Variants in CPB2 observed in about 807,000 individuals in gnomAD.
The protein encoded by CPB2 is carboxypeptidase B2, also known as carboxypeptidase B-like protein.
In CPB2, 54 loss-of-function variants were observed where a neutral mutation model predicts 57.0. That is an observed-to-expected ratio of 0.95 (90% CI 0.76 to 1.19). CPB2 has a LOEUF of 1.19. CPB2 is among the 50% of genes most tolerant of loss of function. The pLI, the probability that CPB2 is intolerant of heterozygous loss-of-function variation, is 0.00. For synonymous variants in CPB2, 189 were observed against 178.1 expected (o/e 1.06, Z -0.49); for missense variants, 426 against 512.0 (o/e 0.83, Z 1.62).
Position 46,059,995 on chromosome 13 carries a change from G to A in CPB2, c.797-1614C>T, listed in dbSNP as rs183819635. Among the ~76,000 whole-genome samples, 1,068 of 152,150 alleles carry A rather than the reference G, an allele frequency of 7.0e-3. 12 individuals are homozygous for A. The highest frequency in any genetic ancestry group is 0.024 in the African/African-American group (977 of 41,494). On this transcript the variant is annotated intron_variant, in intron 8 of 10. Transcript: ENST00000181383. ...TTTGAATATTCCTGCCCTTTTATGTGATATATAATTCTTAGAGAATAGAGA... is the reference window on the plus strand; with the variant it reads ...TTTGAATATTCCTGCCCTTTTATGTAATATATAATTCTTAGAGAATAGAGA...
intron 4 of CPB2, 49 bp from the exon 5 acceptor site, chr13:46,078,950 T>A: frequency 8.5e-7 from 1 of 1,181,014 alleles, no homozygotes; most frequent in Non-Finnish European, 1.3e-6. Flanking sequence ...GTTCAAAGCA[T>A]TTCCCTGACC....
chr13:46,091,553 TGAA>T (rs2139412060), intron 1 of CPB2, among the ~76,000 whole-genome samples: 1 of 152,366 alleles, frequency 6.6e-6, no homozygotes, highest in South Asian at 2.1e-4. Context: ...GTTTTTATGA[TGAA>T]TAAGTGTGGA....
At chr13:46,057,816 T>C (rs1251695553) in intron 9 of CPB2, among the ~76,000 whole-genome samples, 1 of 152,196 alleles carries the variant, frequency 6.6e-6, no homozygotes, top group Non-Finnish European at 1.5e-5. Flanking sequence ...GGTGTGCTGT[T>C]GTAGGAAGCT....
chr13:46,093,238 G>C (rs556413576), intron 1 of CPB2, among the ~76,000 whole-genome samples: 48 of 152,288 alleles, frequency 3.2e-4, no homozygotes, highest in African/African-American at 1.1e-3. Flanking sequence ...AGGGTGGAGG[G>C]TGGCTTTATT....
chr13:46,086,257 T>C (rs2146884), intron 2 of CPB2, among the ~76,000 whole-genome samples: 118,856 of 152,072 alleles, frequency 0.78, 46,732 homozygotes, highest in African/African-American at 0.86. Flanking sequence ...GTGTTTCAGC[T>C]CTGTTTGTGT....
intron 6 of CPB2, among the ~76,000 whole-genome samples, chr13:46,068,870 A>C (rs1471802474): frequency 1.3e-5 from 2 of 152,212 alleles, no homozygotes; most frequent in Non-Finnish European, 2.9e-5. Context: ...TCGAGCAACC[A>C]GTTAAATACA....
chr13:46,060,674 T>C (rs2044759627), intron 8 of CPB2, among the ~76,000 whole-genome samples: 1 of 152,162 alleles, frequency 6.6e-6, no homozygotes. Context: ...TTTTAAGCAC[T>C]GGATAGCCAC....
chr13:46,081,503 G>A (rs1336125317), intron 4 of CPB2, among the ~76,000 whole-genome samples: 1 of 151,930 alleles, frequency 6.6e-6, no homozygotes, highest in African/African-American at 2.4e-5. Flanking sequence ...GCAATTTTAA[G>A]GCCCCCTCAA....
intron 3 of CPB2, among the ~76,000 whole-genome samples, chr13:46,083,013 A>G (rs369597980): frequency 7.3e-5 from 11 of 151,010 alleles, no homozygotes; most frequent in Admixed American, 5.9e-4. Flanking sequence ...TGTTCTGCAG[A>G]GCCAAAGAAA....
rs543886482 is a variant in CPB2, at chr13:46,055,306, A to G, written c.1087+456T>C. Reference sequence around the variant, plus strand: ...AGTTTGTCACAAGTTTTGTGTGTGTAATATATATTAAAGACAATCAACTGT... The same window carrying G: ...AGTTTGTCACAAGTTTTGTGTGTGTGATATATATTAAAGACAATCAACTGT... On this transcript the variant is annotated intron_variant, in intron 10 of 10. Transcript: ENST00000181383. 1.4e-4 allele frequency among the ~76,000 whole-genome samples: 21 copies of G among 152,302 alleles called. 1 individual carries two copies. In the East Asian group the frequency reaches 3.7e-3, roughly 27 times the overall value.
At chr13:46,082,026 T>A (rs1030018268) in intron 4 of CPB2, among the ~76,000 whole-genome samples, 5 of 152,238 alleles carry the variant, frequency 3.3e-5, no homozygotes, top group African/African-American at 1.2e-4. Context: ...TATAGTGTAT[T>A]AAATATAAGT....
chr13:46,093,228 AG>A (rs2139415270), intron 1 of CPB2, among the ~76,000 whole-genome samples: 1 of 152,322 alleles, frequency 6.6e-6, no homozygotes, highest in South Asian at 2.1e-4. Flanking sequence ...AACTTTAACA[AG>A]GGTGGAGGGT....
chr13:46,079,437 A>G (rs2045072656), intron 4 of CPB2, among the ~76,000 whole-genome samples: 1 of 151,342 alleles, frequency 6.6e-6, no homozygotes, highest in Admixed American at 6.6e-5. Flanking sequence ...AACAAACTCA[A>G]TTATCCCCCC....
At chr13:46,054,118 C>T (rs1288395511) in intron 10 of CPB2, among the ~76,000 whole-genome samples, 1 of 152,152 alleles carries the variant, frequency 6.6e-6, no homozygotes, top group Non-Finnish European at 1.5e-5. Flanking sequence ...GCCCATTTCC[C>T]CTTCCCATAC....
At chr13:46,088,774 A>G (rs1471018972) in intron 1 of CPB2, among the ~76,000 whole-genome samples, 1 of 152,056 alleles carries the variant, frequency 6.6e-6, no homozygotes, top group Non-Finnish European at 1.5e-5. Flanking sequence ...AGTTGTTTAT[A>G]TTTGATTATC....
chr13:46,088,542 T>G (rs1408974785), intron 1 of CPB2, among the ~76,000 whole-genome samples: 1 of 152,258 alleles, frequency 6.6e-6, no homozygotes, highest in Non-Finnish European at 1.5e-5. Context: ...TGCCATTTCA[T>G]GGGATATGCA....
At chr13:46,054,039 C>T (rs2044640460) in intron 10 of CPB2, among the ~76,000 whole-genome samples, 1 of 152,068 alleles carries the variant, frequency 6.6e-6, no homozygotes, top group Middle Eastern at 3.2e-3. Context: ...TTTGCAATTA[C>T]GGCATGTTCC....
intron 8 of CPB2, among the ~76,000 whole-genome samples, chr13:46,059,614 A>G (rs1004458583): frequency 7.9e-6 from 1 of 127,078 alleles, no homozygotes; most frequent in African/African-American, 3.0e-5. Flanking sequence ...CATCATCATC[A>G]TCATCATGTG....
intron 1 of CPB2, among the ~76,000 whole-genome samples, chr13:46,091,349 C>A (rs2045290391): frequency 6.6e-6 from 1 of 152,198 alleles, no homozygotes; most frequent in South Asian, 2.1e-4. Context: ...CTTATAGAGC[C>A]CCTTTTCCCC....
Sources: allele counts gnomAD v4.1 joint callset (sites outside exome capture counted in the v4.1 genomes callset), GRCh38; gene constraint gnomAD v4.1.1; transcripts MANE v1.5; gene names NCBI Gene and HGNC (gene_info 2026-07-23, HGNC 2026-07-21).